MRPS6: variants seen among roughly 807,000 people sequenced by gnomAD.
MRPS6 encodes the protein mitochondrial ribosomal protein S6, also known as small ribosomal subunit protein bS6m.
Under a neutral mutation model 13.1 loss-of-function variants are expected in MRPS6, and 6 were observed. The observed-to-expected ratio is 0.46, with a 90% CI of 0.25 to 0.91. MRPS6 has a LOEUF of 0.91. Among genes scored for constraint, MRPS6 ranks in the 40% least tolerant of loss-of-function variants. The probability of loss-of-function intolerance (pLI) is 0.18; values close to 1 mark genes in which losing one functional copy is unlikely to be tolerated. For missense variants in MRPS6, 164 were observed against 155.6 expected (o/e 1.05, Z -0.29); for synonymous variants, 61 against 56.5 (o/e 1.08, Z -0.36).
intron 1 of MRPS6, among the ~76,000 whole-genome samples, chr21:34,074,636 C>T (rs191682678): frequency 1.3e-5 from 2 of 152,338 alleles, no homozygotes; most frequent in East Asian, 3.9e-4. Flanking sequence ...CCCATTCTCC[C>T]GTGAATTCGG....
intron 2 of MRPS6, among the ~76,000 whole-genome samples, chr21:34,129,438 G>A (rs948300409): frequency 2.0e-5 from 3 of 152,194 alleles, no homozygotes; most frequent in African/African-American, 7.2e-5. Context: ...CCAAATGCCT[G>A]TGTATAAGAA....
chr21:34,093,280 T>C (rs1422608784), intron 1 of MRPS6, among the ~76,000 whole-genome samples: 2 of 151,860 alleles, frequency 1.3e-5, no homozygotes, highest in Non-Finnish European at 2.9e-5. Context: ...ATCAATCTTA[T>C]TTATGCCAGC....
rs530597322 is a variant in MRPS6, at chr21:34,141,508, G to C, written c.186-900G>C. Among the ~76,000 whole-genome samples, 17 of 152,332 alleles carry C rather than the reference G, an allele frequency of 1.1e-4. No individual in the cohort carries two copies. In the South Asian group the frequency reaches 3.5e-3, roughly 32 times the overall value. Reference sequence around the variant, plus strand: ...AGGACCAGCGAGTACAAAGGCCTGGGAGGGGAATGTGCTTGGGAGTCCTGA... The same window carrying C: ...AGGACCAGCGAGTACAAAGGCCTGGCAGGGGAATGTGCTTGGGAGTCCTGA... On this transcript the variant is annotated intron_variant, in intron 2 of 2. Transcript: ENST00000399312.
chr21:34,101,325 T>C (rs1979228101), intron 1 of MRPS6: 3 of 1,000,242 alleles, frequency 3.0e-6, no homozygotes, highest in Non-Finnish European at 3.6e-6. Flanking sequence ...AGTTTCAGCT[T>C]TTTAAACCCT....
At position 34,087,407 on chromosome 21, in the gene MRPS6, G is replaced by T. The variant is rs189936033; in HGVS notation, c.45+13662G>T. 1.4e-4 allele frequency among the ~76,000 whole-genome samples: 21 copies of T among 152,318 alleles called. No homozygotes were observed. In the East Asian group the frequency reaches 3.3e-3, roughly 24 times the overall value. ...ATTTTTTTATTTAACAAACATTTGAGCACCTGTAATATGTAAGATGGTGTT... is the reference window on the plus strand; with the variant it reads ...ATTTTTTTATTTAACAAACATTTGATCACCTGTAATATGTAAGATGGTGTT... On this transcript the variant is annotated intron_variant, in intron 1 of 2. Transcript: ENST00000399312.
intron 1 of MRPS6, among the ~76,000 whole-genome samples, chr21:34,113,445 A>G (rs1019954463): frequency 6.6e-6 from 1 of 152,236 alleles, no homozygotes; most frequent in Non-Finnish European, 1.5e-5. Context: ...CATTATGTGA[A>G]GTGAAATAAG....
Position 34,129,174 on chromosome 21 carries a change from A to G in MRPS6, c.185+3694A>G, listed in dbSNP as rs79299817. On this transcript the variant is annotated intron_variant, in intron 2 of 2. Transcript: ENST00000399312. ...GGAGAGGCTCATTTAGACCCGTGCT[A>G]TAAAGGGGCAGGCATCTTACTGAAT... Among the ~76,000 whole-genome samples the G allele has an allele frequency of 4.8e-3, 732 of 152,268 alleles. 5 individuals carry two copies. Among genetic ancestry groups the G allele is most frequent in the African/African-American group, 0.017 (698 of 41,552 alleles).
chr21:34,111,260 A>G (rs1005140556), intron 1 of MRPS6, among the ~76,000 whole-genome samples: 1 of 152,258 alleles, frequency 6.6e-6, no homozygotes, highest in African/African-American at 2.4e-5. Context: ...AATGAGAATC[A>G]CTTGGAATTG....
chr21:34,105,722 G>GT (rs1422754505), intron 1 of MRPS6: 1 of 997,794 alleles, frequency 1.0e-6, no homozygotes, highest in Admixed American at 6.2e-5. Context: ...TGGATTTCCA[G>GT]TTTACCTTCT....
At chr21:34,117,523 C>T (rs1019252289) in intron 1 of MRPS6, among the ~76,000 whole-genome samples, 3 of 152,144 alleles carry the variant, frequency 2.0e-5, no homozygotes, top group East Asian at 1.9e-4. Flanking sequence ...CTATCTGTAT[C>T]GCAGACTTTT....
rs1978333441 is a variant in MRPS6 at position 34,085,599 on chromosome 21, A to AC, written c.45+11855dup. On this transcript the variant is annotated intron_variant, in intron 1 of 2. Transcript: ENST00000399312. Reference sequence around the variant, plus strand: ...AGTAATTAGTGTATAAGAAATAAGGACTTTTTTTTTTTTTTTTTTGAGACT... The same window carrying AC: ...AGTAATTAGTGTATAAGAAATAAGGACCTTTTTTTTTTTTTTTTTTGAGACT... Among the ~76,000 whole-genome samples the AC allele has an allele frequency of 2.8e-5, 4 of 140,358 alleles. No individual in the cohort carries two copies. In the South Asian group the frequency reaches 8.9e-4, roughly 31 times the overall value. 92.1% of individuals were successfully genotyped at this position (140,358 alleles called of 152,430 possible).
At chr21:34,117,117 A>G (rs949234245) in intron 1 of MRPS6, among the ~76,000 whole-genome samples, 1 of 152,238 alleles carries the variant, frequency 6.6e-6, no homozygotes, top group Admixed American at 6.5e-5. Flanking sequence ...CAGAAAGTTT[A>G]CATTTTTACC....
intron 2 of MRPS6, among the ~76,000 whole-genome samples, chr21:34,130,522 A>G (rs951552556): frequency 6.6e-6 from 1 of 152,070 alleles, no homozygotes; most frequent in Non-Finnish European, 1.5e-5. Context: ...ATTGGGGCAC[A>G]GTCTGTCTTG....
intron 1 of MRPS6, chr21:34,095,121 C>T (rs1978903691): frequency 2.0e-6 from 3 of 1,531,398 alleles, no homozygotes; most frequent in Non-Finnish European, 2.6e-6. Flanking sequence ...GGTTTACAGA[C>T]TTGGCTGGGG....
intron 1 of MRPS6, chr21:34,098,557 G>T: frequency 2.0e-6 from 2 of 1,000,206 alleles, no homozygotes; most frequent in Non-Finnish European, 2.4e-6. Flanking sequence ...GTGCAAACTG[G>T]CCGTCGGTAA....
intron 1 of MRPS6, among the ~76,000 whole-genome samples, chr21:34,111,815 T>C (rs1357904404): frequency 6.6e-6 from 1 of 151,932 alleles, no homozygotes; most frequent in African/African-American, 2.4e-5. Context: ...TGACTCTCTT[T>C]CCAGCTTTCC....
intron 2 of MRPS6, among the ~76,000 whole-genome samples, chr21:34,139,376 A>AT (rs1252220015): frequency 6.6e-6 from 1 of 152,162 alleles, no homozygotes; most frequent in African/African-American, 2.4e-5. Flanking sequence ...GTTTGGTGTA[A>AT]TTCACCAGTG....
intron 1 of MRPS6, among the ~76,000 whole-genome samples, chr21:34,091,870 A>G (rs1395096780): frequency 6.6e-6 from 1 of 152,178 alleles, no homozygotes; most frequent in East Asian, 1.9e-4. Flanking sequence ...TTTAAGAAAA[A>G]AATGGACTAC....
At chr21:34,103,727 G>C in intron 1 of MRPS6, 1 of 999,902 alleles carries the variant, frequency 1.0e-6, no homozygotes, top group Non-Finnish European at 1.2e-6. Flanking sequence ...AAGACAATGC[G>C]GTATCTAAAC....
Sources: gnomAD v4.1 joint callset for allele counts (sites outside exome capture counted in the v4.1 genomes callset) on GRCh38, gnomAD v4.1.1 for gene constraint, MANE v1.5 for transcripts, NCBI Gene and HGNC (gene_info 2026-07-23, HGNC 2026-07-21) for gene names.